CNTNAP3B: variants seen among roughly 807,000 people sequenced by gnomAD.
CNTNAP3B encodes contactin associated protein family member 3B.
Under a neutral mutation model 108.9 loss-of-function variants are expected in CNTNAP3B, and 25 were observed. The observed-to-expected ratio is 0.23, with a 90% CI of 0.17 to 0.32. The LOEUF is 0.32. Ranked by LOEUF, CNTNAP3B falls within the 10% of genes least tolerant of loss-of-function variation. CNTNAP3B has a pLI of 1.00. For synonymous variants in CNTNAP3B, 103 were observed against 473.4 expected (o/e 0.22, Z 10.16); for missense variants, 252 against 1,210.4 (o/e 0.21, Z 11.75).
chr9:41,921,231 C>T (rs1483463433), intron 17 of CNTNAP3B, among the ~76,000 whole-genome samples: 4 of 152,282 alleles, frequency 2.6e-5, no homozygotes, highest in Non-Finnish European at 5.9e-5. Flanking sequence ...CTAGGCATTC[C>T]CTTAAATAAT....
intron 3 of CNTNAP3B, among the ~76,000 whole-genome samples, chr9:42,058,436 G>T (rs1424348911): frequency 1.4e-5 from 2 of 140,366 alleles, no homozygotes; most frequent in South Asian, 2.3e-4. Flanking sequence ...ATCTCATTGT[G>T]GTTCTAACTT....
chr9:42,113,743 G>A lies in CNTNAP3B; in HGVS notation c.86-9004C>T, dbSNP rs2118720709. ...CCTAGTATTTGATAACACAAGAGGT[G>A]ACTATAGTCAATAATTACTTAATTG... On this transcript the variant is annotated intron_variant, in intron 1 of 23. Transcript: ENST00000377561. 1.4e-5 allele frequency among the ~76,000 whole-genome samples: 2 copies of A among 139,244 alleles called. 1 individual carries two copies. The highest frequency in any genetic ancestry group is 4.6e-4 in the South Asian group (2 of 4,334). 91.3% of individuals were successfully genotyped at this position (139,244 alleles called of 152,430 possible).
chr9:41,958,844 T>A (rs1824962207), intron 12 of CNTNAP3B, among the ~76,000 whole-genome samples: 1 of 148,014 alleles, frequency 6.8e-6, no homozygotes, highest in South Asian at 2.1e-4. Context: ...CTTCCCTTTC[T>A]GGAAGCATGA....
At chr9:42,071,804 C>A (rs1349920731) in intron 3 of CNTNAP3B, among the ~76,000 whole-genome samples, 1 of 138,778 alleles carries the variant, frequency 7.2e-6, no homozygotes, top group Non-Finnish European at 1.5e-5. Flanking sequence ...ATGGATTGAT[C>A]GTGGAGTGTG....
intron 4 of CNTNAP3B, among the ~76,000 whole-genome samples, chr9:42,012,179 T>C (rs1354055601): frequency 4.6e-5 from 5 of 109,750 alleles, no homozygotes; most frequent in Admixed American, 2.8e-4. Context: ...CTGAAGTTGT[T>C]TCAGAGTAAT....
intron 14 of CNTNAP3B, among the ~76,000 whole-genome samples, chr9:41,934,544 T>C (rs1824096401): frequency 2.0e-5 from 3 of 152,264 alleles, no homozygotes; most frequent in Admixed American, 2.0e-4. Context: ...TTTTAAACAA[T>C]CTGATGATAC....
At chr9:42,110,666 C>T (rs1378778208) in intron 1 of CNTNAP3B, among the ~76,000 whole-genome samples, 1 of 137,888 alleles carries the variant, frequency 7.3e-6, no homozygotes, top group Non-Finnish European at 1.5e-5. Flanking sequence ...CCTCGGGAAT[C>T]GAATCACAAA....
rs1024024415 is a variant in CNTNAP3B at position 41,933,882 on chromosome 9, C to A, written c.2237+4362G>T. Among the ~76,000 whole-genome samples the A allele has an allele frequency of 1.2e-4, 18 of 152,270 alleles. No individual in the cohort carries two copies. In the East Asian group the frequency reaches 3.5e-3, roughly 29 times the overall value. On this transcript the variant is annotated intron_variant, in intron 14 of 23. Coordinates refer to ENST00000377561, the MANE Select transcript of CNTNAP3B (RefSeq NM_001201380.3). Reference sequence around the variant, plus strand: ...CAATTCCGTAAAATTTGTTAAGATTCCATCCATTTACAAAATTTTTTATAC... The same window carrying A: ...CAATTCCGTAAAATTTGTTAAGATTACATCCATTTACAAAATTTTTTATAC...
chr9:42,034,923 TATAAG>T (rs1183248381), intron 3 of CNTNAP3B, among the ~76,000 whole-genome samples: 1 of 59,386 alleles, frequency 1.7e-5, no homozygotes, highest in South Asian at 5.9e-4. Flanking sequence ...CCTTGTGGGT[TATAAG>T]ATATGATTAA....
chr9:42,093,741 T>C (rs199967528), intron 2 of CNTNAP3B, among the ~76,000 whole-genome samples: 2,823 of 47,060 alleles, frequency 0.06, 826 homozygotes, highest in South Asian at 0.18. Context: ...TTATTTTCCT[T>C]AGCATAATGT....
At chr9:41,933,276 C>T in intron 14 of CNTNAP3B, among the ~76,000 whole-genome samples, 1 of 152,300 alleles carries the variant, frequency 6.6e-6, no homozygotes, top group Non-Finnish European at 1.5e-5. Context: ...ACCCTGATTT[C>T]TAATTAATAG....
chr9:41,935,698 A>G (rs1824136260), intron 14 of CNTNAP3B, among the ~76,000 whole-genome samples: 1 of 152,264 alleles, frequency 6.6e-6, no homozygotes, highest in African/African-American at 2.4e-5. Context: ...ACTGTTGGAT[A>G]GACCTGTCTA....
chr9:41,994,517 C>T (rs919830780), intron 7 of CNTNAP3B: 1 of 110,734 alleles, frequency 9.0e-6, no homozygotes, highest in Non-Finnish European at 1.7e-5. Context: ...TATCACTCTT[C>T]CCTTTGGTGT....
At chr9:41,970,955 G>A (rs1825417413) in intron 9 of CNTNAP3B, among the ~76,000 whole-genome samples, 1 of 150,876 alleles carries the variant, frequency 6.6e-6, no homozygotes, top group African/African-American at 2.5e-5. Context: ...ATAAAAATTT[G>A]CAGTCCAGAA....
rs1280700787 is a variant in CNTNAP3B, at chr9:42,122,051, C to T, written c.85+6959G>A. Among the ~76,000 whole-genome samples the T allele has an allele frequency of 1.1e-4, 15 of 139,880 alleles. 2 individuals carry two copies. Among genetic ancestry groups the T allele is most frequent in the East Asian group, 2.2e-4 (1 of 4,542 alleles). The allele number at this position is 139,880 out of a possible 152,430, so 91.8% of individuals were successfully genotyped here. A position where few individuals can be genotyped will look rare whatever the true frequency, so the allele number is the denominator to read the frequency against. ...TGTGCACACGCAGTGGGTTACATGA[C>T]AAGTGAGGAGCCCTGAGCTTAGGGA... On this transcript the variant is annotated intron_variant, in intron 1 of 23. Transcript: ENST00000377561.
At chr9:41,925,485 C>A (rs1325062995) in intron 15 of CNTNAP3B, among the ~76,000 whole-genome samples, 1 of 152,218 alleles carries the variant, frequency 6.6e-6, no homozygotes, top group African/African-American at 2.4e-5. Flanking sequence ...CCCAGCTAGT[C>A]GGGAGGCTGA....
At position 41,990,202 on chromosome 9, in the gene CNTNAP3B, T is replaced by C. The variant is rs1200301655; in HGVS notation, c.1333+1408A>G. Among the ~76,000 whole-genome samples the C allele has an allele frequency of 2.9e-5, 4 of 138,222 alleles. 1 individual carries two copies. Among genetic ancestry groups the C allele is most frequent in the African/African-American group, 5.8e-5 (2 of 34,716 alleles). The allele number at this position is 138,222 out of a possible 152,430, so 90.7% of individuals were successfully genotyped here. A position where few individuals can be genotyped will look rare whatever the true frequency, so the allele number is the denominator to read the frequency against. ...CTGATTCACTATGTTGGTAGGCAAT[T>C]TTATCTGTACTTATTTCCCTAACAC... On this transcript the variant is annotated intron_variant, in intron 8 of 23. Coordinates refer to ENST00000377561, the MANE Select transcript of CNTNAP3B (RefSeq NM_001201380.3).
intron 2 of CNTNAP3B, among the ~76,000 whole-genome samples, chr9:42,084,604 T>TA (rs893308620): frequency 1.3e-4 from 4 of 29,860 alleles, no homozygotes; most frequent in South Asian, 1.0e-3. Flanking sequence ...GTCCACCCCC[T>TA]AAAAAAAAAG....
chr9:41,940,194 C>A (rs1458111748), intron 13 of CNTNAP3B, among the ~76,000 whole-genome samples: 3 of 152,288 alleles, frequency 2.0e-5, no homozygotes, highest in Non-Finnish European at 4.4e-5. Flanking sequence ...TGAAAAAATA[C>A]TGGCTGTAAA....
Sources: gnomAD v4.1 joint callset for allele counts (sites outside exome capture counted in the v4.1 genomes callset) on GRCh38, gnomAD v4.1.1 for gene constraint, MANE v1.5 for transcripts, NCBI Gene and HGNC (gene_info 2026-07-23, HGNC 2026-07-21) for gene names.